ISY1: variants seen among roughly 807,000 people sequenced by gnomAD.
The protein encoded by ISY1 is ISY1 spliceosome associated protein.
ISY1 carries 12 observed loss-of-function variants against 54.4 expected under a neutral mutation model. The observed-to-expected ratio is 0.22, with a 90% CI of 0.14 to 0.36. The LOEUF (loss-of-function observed/expected upper bound fraction) is 0.36, where lower values mean the gene tolerates loss of function less well. ISY1 is among the 10% of genes least tolerant of loss of function. ISY1 has a pLI of 1.00. For synonymous variants in ISY1, 96 were observed against 117.9 expected (o/e 0.81, Z 1.20); for missense variants, 282 against 342.2 (o/e 0.82, Z 1.39).
At chr3:129,134,786 G>GA in intron 8 of ISY1, 46 bp downstream of exon 8, 1 of 1,563,178 alleles carries the variant, frequency 6.4e-7, no homozygotes, top group Non-Finnish European at 8.7e-7. Flanking sequence ...GGACACAACA[G>GA]AAAACAGATG....
intron 9 of ISY1, among the ~76,000 whole-genome samples, chr3:129,133,542 A>G (rs1458645313): frequency 6.6e-6 from 1 of 152,172 alleles, no homozygotes; most frequent in Non-Finnish European, 1.5e-5. Flanking sequence ...AAAAATACAA[A>G]AATTAGCCAT....
At chr3:129,150,694 A>C (rs1265013680) in intron 5 of ISY1, among the ~76,000 whole-genome samples, 3 of 152,150 alleles carry the variant, frequency 2.0e-5, no homozygotes, top group African/African-American at 7.2e-5. Context: ...GCAAGACTCC[A>C]TCTCAAAAAA....
chr3:129,147,680 A>G (rs1477154884), intron 5 of ISY1, among the ~76,000 whole-genome samples: 1 of 152,194 alleles, frequency 6.6e-6, no homozygotes, highest in Non-Finnish European at 1.5e-5. Context: ...CAATTATGTG[A>G]GTTTTCACAA....
chr3:129,140,310 A>C (rs923390489), intron 7 of ISY1, 58 bp downstream of exon 7: 2 of 1,460,784 alleles, frequency 1.4e-6, no homozygotes, highest in African/African-American at 2.8e-5. Context: ...AGCATATAGC[A>C]TATCTACTCT....
chr3:129,156,738 A>T, intron 4 of ISY1, 63 bp from the exon 5 acceptor site: 2 of 1,554,186 alleles, frequency 1.3e-6, no homozygotes, highest in South Asian at 2.4e-5. Flanking sequence ...CAGAAAAACT[A>T]TAATTCAAAA....
chr3:129,154,168 G>A (rs1376076404), intron 5 of ISY1, among the ~76,000 whole-genome samples: 1 of 150,494 alleles, frequency 6.6e-6, no homozygotes, highest in Non-Finnish European at 1.5e-5. Context: ...CGTGAACCCC[G>A]GGGGGCGGAG....
chr3:129,151,543 C>T (rs1358949952), intron 5 of ISY1, among the ~76,000 whole-genome samples: 2 of 151,452 alleles, frequency 1.3e-5, no homozygotes, highest in Non-Finnish European at 2.9e-5. Context: ...GCAGGAGAAT[C>T]GCTTGAACCC....
At chr3:129,154,342 G>A (rs1482069260) in intron 5 of ISY1, among the ~76,000 whole-genome samples, 1 of 149,828 alleles carries the variant, frequency 6.7e-6, no homozygotes, top group East Asian at 2.0e-4. Flanking sequence ...CTTGAACCCA[G>A]GGAGGTGAAC....
In ISY1 at chr3:129,145,984, A is replaced by G. The variant is rs1576882787; in HGVS notation, c.188-111T>C. The G allele has an allele frequency of 5.0e-6, 5 of 990,526 alleles. No individual in the cohort carries two copies. The East Asian group carries it at 1.3e-4, about 26-fold the overall frequency. 61.4% of individuals were successfully genotyped at this position (990,526 alleles called of 1,614,324 possible). A position where few individuals can be genotyped will look rare whatever the true frequency, so the allele number is the denominator to read the frequency against. On this transcript the variant is annotated intron_variant, in intron 5 of 10. Transcript: ENST00000393295. The stretch of plus-strand genomic sequence containing the variant: ...AATGAATGTCAACACCTACAAAGGT[A>G]TACTACATAAAAACACTCATCTAAA...
At position 129,134,219 on chromosome 3, in the gene ISY1, C is replaced by T. The variant is rs188793366; in HGVS notation, c.542-24G>A. On this transcript the variant is annotated intron_variant, in intron 8 of 10. Transcript: ENST00000393295. ...GACTGAACACAAGAGAGGGTAGGTG[C>T]TATTTATTTGTCTCTAAATGAGCTT... 2.9e-3 allele frequency: 4,695 copies of T among 1,613,866 alleles called. 11 individuals carry two copies. Among genetic ancestry groups the T allele is most frequent in the Non-Finnish European group, 3.6e-3 (4,276 of 1,179,950 alleles).
chr3:129,148,011 G>T (rs2107612725), intron 5 of ISY1, among the ~76,000 whole-genome samples: 1 of 151,832 alleles, frequency 6.6e-6, no homozygotes, highest in South Asian at 2.1e-4. Context: ...ATTATTTACA[G>T]AGATGAGGCC....
At chr3:129,156,959 T>G in intron 3 of ISY1, 39 bp from the exon 4 acceptor site, 1 of 1,607,934 alleles carries the variant, frequency 6.2e-7, no homozygotes, top group Non-Finnish European at 8.5e-7. Context: ...TTATACTATT[T>G]ACAAGTTTCA....
intron 5 of ISY1, 149 bp downstream of exon 5, chr3:129,156,484 A>C (rs1377466210): frequency 4.1e-6 from 3 of 734,494 alleles, no homozygotes; most frequent in African/African-American, 3.6e-5. Flanking sequence ...AACTACATCA[A>C]ACTGACTGAT....
At chr3:129,156,742 T>C in intron 4 of ISY1, 67 bp from the exon 5 acceptor site, 1 of 1,554,644 alleles carries the variant, frequency 6.4e-7, no homozygotes, top group Non-Finnish European at 8.7e-7. Flanking sequence ...AAAACTATAA[T>C]TCAAAATTAG....
chr3:129,144,521 G>C (rs1030627468), intron 6 of ISY1, among the ~76,000 whole-genome samples: 1 of 152,206 alleles, frequency 6.6e-6, no homozygotes, highest in East Asian at 1.9e-4. Flanking sequence ...AGTGATCTGA[G>C]GTAGGTCTCA....
At chr3:129,159,123 A>C in intron 2 of ISY1, 31 bp downstream of exon 2, 1 of 1,603,390 alleles carries the variant, frequency 6.2e-7, no homozygotes, top group Non-Finnish European at 8.5e-7. Context: ...AGTTACAAAA[A>C]ATTTACAGCC....
intron 5 of ISY1, among the ~76,000 whole-genome samples, chr3:129,147,809 A>C (rs1387846224): frequency 6.6e-6 from 1 of 152,170 alleles, no homozygotes; most frequent in Non-Finnish European, 1.5e-5. Context: ...TTTGGCCACC[A>C]GTAAACACAA....
At chr3:129,132,699 C>T (rs1043486728) in intron 9 of ISY1, among the ~76,000 whole-genome samples, 1 of 152,194 alleles carries the variant, frequency 6.6e-6, no homozygotes, top group African/African-American at 2.4e-5. Context: ...ACACTCCAAG[C>T]CTCTGTACCA....
chr3:129,145,451 G>C (rs1936738821), intron 6 of ISY1, among the ~76,000 whole-genome samples: 1 of 152,112 alleles, frequency 6.6e-6, no homozygotes, highest in South Asian at 2.1e-4. Flanking sequence ...TTGAACTCCT[G>C]ACCTCAAGTG....
Sources: gnomAD v4.1 joint callset for allele counts (sites outside exome capture counted in the v4.1 genomes callset) on GRCh38, gnomAD v4.1.1 for gene constraint, MANE v1.5 for transcripts, NCBI Gene and HGNC (gene_info 2026-07-23, HGNC 2026-07-21) for gene names.